LGALSL: variants seen among roughly 807,000 people sequenced by gnomAD.
The protein encoded by LGALSL is galectin-related protein.
In LGALSL, 13 loss-of-function variants were observed where a neutral mutation model predicts 19.5. That is an observed-to-expected ratio of 0.67 (90% CI 0.43 to 1.06). LGALSL has a LOEUF of 1.06. LGALSL is among the 50% of genes least tolerant of loss of function. LGALSL has a pLI of 0.00. For missense variants in LGALSL, 189 were observed against 219.3 expected (o/e 0.86, Z 0.87); for synonymous variants, 86 against 78.3 (o/e 1.10, Z -0.52).
intron 4 of LGALSL, 145 bp from the exon 5 acceptor site, chr2:64,458,140 T>C: frequency 1.4e-6 from 1 of 715,628 alleles, no homozygotes; most frequent in Admixed American, 2.6e-5. Flanking sequence ...CAATCTGTGT[T>C]CTAACAAGCC....
Position 64,459,395 on chromosome 2 carries a change from A to C in LGALSL, c.*967A>C, listed in dbSNP as rs1686783442. 1 of 152,238 alleles carries C rather than the reference A, an allele frequency of 6.6e-6. No individual in the cohort carries two copies. 9.4% of individuals were successfully genotyped at this position (152,238 alleles called of 1,614,324 possible). ...CAATTTTTAAAGTGACTATAGTATA[A>C]ACTTTTAAAAGAATAATATGAAAAT... On this transcript the variant is annotated 3_prime_UTR_variant, in exon 5 of 5. Coordinates refer to ENST00000238875, the MANE Select transcript of LGALSL (RefSeq NM_014181.3).
At position 64,460,917 on chromosome 2, in the gene LGALSL, A is replaced by C. The variant is rs1686815957; in HGVS notation, c.*2489A>C. On this transcript the variant is annotated 3_prime_UTR_variant, in exon 5 of 5. Coordinates refer to ENST00000238875, the MANE Select transcript of LGALSL (RefSeq NM_014181.3). ...TAAATAACAATCAGGCTCTGGGGGA[A>C]TAGAAAGCAGGCTTTAGACAATCTG... The C allele has an allele frequency of 6.6e-6, 1 of 152,236 alleles. No homozygotes were observed. The highest frequency in any genetic ancestry group is 6.5e-5 in the Admixed American group (1 of 15,282). The allele number at this position is 152,236 out of a possible 1,614,324, so 9.4% of individuals were successfully genotyped here. A position where few individuals can be genotyped will look rare whatever the true frequency, so the allele number is the denominator to read the frequency against.
intron 4 of LGALSL, among the ~76,000 whole-genome samples, chr2:64,457,667 T>C (rs1324549946): frequency 2.6e-5 from 4 of 152,178 alleles, no homozygotes; most frequent in African/African-American, 9.7e-5. Context: ...CTGGGGAAAA[T>C]AAGAATCCAT....
At position 64,454,539 on chromosome 2, in the gene LGALSL, C is replaced by G; in HGVS notation, c.-7C>G. 6.9e-7 allele frequency: 1 copy of G among 1,438,884 alleles called. No individual in the cohort carries two copies. Among genetic ancestry groups the G allele is most frequent in the Non-Finnish European group, 9.2e-7 (1 of 1,091,846 alleles). The allele number at this position is 1,438,884 out of a possible 1,614,324, so 89.1% of individuals were successfully genotyped here. On this transcript the variant is annotated 5_prime_UTR_variant, in exon 1 of 5. Coordinates refer to ENST00000238875, the MANE Select transcript of LGALSL (RefSeq NM_014181.3). The surrounding 1 kb of genome is among the most constrained non-coding windows in gnomAD (Gnocchi z 5.1). Reference sequence around the variant, plus strand: ...GTCCCACGTACCCCGCCGCGCCGGGCAAGAAGATGGCGGGATCAGTGGCCG... The same window carrying G: ...GTCCCACGTACCCCGCCGCGCCGGGGAAGAAGATGGCGGGATCAGTGGCCG...
rs1686702190 is a variant in LGALSL at position 64,454,666 on chromosome 2, G to A, written c.36+85G>A. 2.9e-6 allele frequency: 3 copies of A among 1,024,048 alleles called. No homozygotes were observed. Among genetic ancestry groups the A allele is most frequent in the Non-Finnish European group, 3.7e-6 (3 of 802,882 alleles). The allele number at this position is 1,024,048 out of a possible 1,614,324, so 63.4% of individuals were successfully genotyped here. A position where few individuals can be genotyped will look rare whatever the true frequency, so the allele number is the denominator to read the frequency against. ...CCTGCTCCAGCAGTGCTGGGGTGCT[G>A]AGCAGCCGCAGGCCCGGCCGGCGCC... On this transcript the variant is annotated intron_variant, in intron 1 of 4. Coordinates refer to ENST00000238875, the MANE Select transcript of LGALSL (RefSeq NM_014181.3). The surrounding 1 kb of genome is among the most constrained non-coding windows in gnomAD (Gnocchi z 5.1).
At position 64,458,457 on chromosome 2, in the gene LGALSL, C is replaced by T. The variant is rs1686770914; in HGVS notation, c.*29C>T. The T allele has an allele frequency of 5.6e-6, 9 of 1,599,730 alleles. No homozygotes were observed. Among genetic ancestry groups the T allele is most frequent in the African/African-American group, 1.3e-5 (1 of 74,620 alleles). ...AAACCACCTCTATTTCAAATAGGAT[C>T]ACGTGCCACAACTATCTGACTGTTG... On this transcript the variant is annotated 3_prime_UTR_variant, in exon 5 of 5. Transcript: ENST00000238875.
rs1686772851 is a variant in LGALSL, at chr2:64,458,606, T to C, written c.*178T>C. The C allele has an allele frequency of 3.7e-6, 2 of 539,336 alleles. No homozygotes were observed. The highest frequency in any genetic ancestry group is 6.5e-6 in the Non-Finnish European group (2 of 309,722). 33.4% of individuals were successfully genotyped at this position (539,336 alleles called of 1,614,324 possible). A position where few individuals can be genotyped will look rare whatever the true frequency, so the allele number is the denominator to read the frequency against. On this transcript the variant is annotated 3_prime_UTR_variant, in exon 5 of 5. Coordinates refer to ENST00000238875, the MANE Select transcript of LGALSL (RefSeq NM_014181.3). ...CTGTTGGGACAAAGACACCGAGCCA[T>C]TATACCCAGAATAAAATAATACATT...
chr2:64,460,907 C>T lies in LGALSL; in HGVS notation c.*2479C>T, dbSNP rs1686815652. ...CCAAGGAGTATAAATAACAATCAGG[C>T]TCTGGGGGAATAGAAAGCAGGCTTT... On this transcript the variant is annotated 3_prime_UTR_variant, in exon 5 of 5. Coordinates refer to ENST00000238875, the MANE Select transcript of LGALSL (RefSeq NM_014181.3). 1 of 152,154 alleles carries T rather than the reference C, an allele frequency of 6.6e-6. No homozygotes were observed. Among genetic ancestry groups the T allele is most frequent in the Non-Finnish European group, 1.5e-5 (1 of 68,024 alleles). 9.4% of individuals were successfully genotyped at this position (152,154 alleles called of 1,614,324 possible).
intron 3 of LGALSL, 95 bp from the exon 4 acceptor site, chr2:64,456,193 C>T: frequency 8.8e-7 from 1 of 1,139,270 alleles, no homozygotes; most frequent in Admixed American, 2.3e-5. Flanking sequence ...TAAAAATGGA[C>T]AAACCCAGAG....
In LGALSL at chr2:64,454,249, G is replaced by A; in HGVS notation, c.-297G>A. ...GGCCCTCGCCACTTTTCTTGGTCGG[G>A]CAGCGGCAGCGGCAGCGGCAGCAAG... On this transcript the variant is annotated 5_prime_UTR_variant, in exon 1 of 5. Transcript: ENST00000238875. The surrounding 1 kb of genome is among the most constrained non-coding windows in gnomAD (Gnocchi z 5.1). 2 of 363,366 alleles carry A rather than the reference G, an allele frequency of 5.5e-6. No individual in the cohort carries two copies. The highest frequency in any genetic ancestry group is 4.8e-6 in the Non-Finnish European group (1 of 209,706). 22.5% of individuals were successfully genotyped at this position (363,366 alleles called of 1,614,324 possible). A position where few individuals can be genotyped will look rare whatever the true frequency, so the allele number is the denominator to read the frequency against.
rs2103710367 is a variant in LGALSL, at chr2:64,458,654, A to G, written c.*226A>G. 1 of 392,968 alleles carries G rather than the reference A, an allele frequency of 2.5e-6. No individual in the cohort carries two copies. The highest frequency in any genetic ancestry group is 4.5e-6 in the Non-Finnish European group (1 of 222,000). The allele number at this position is 392,968 out of a possible 1,614,324, so 24.3% of individuals were successfully genotyped here. On this transcript the variant is annotated 3_prime_UTR_variant, in exon 5 of 5. Coordinates refer to ENST00000238875, the MANE Select transcript of LGALSL (RefSeq NM_014181.3). ...ATTTATGCTGGATTTTATTCAGACC[A>G]AACTAAAATGGATTTGTGATGATTT...
Position 64,459,757 on chromosome 2 carries a change from A to T in LGALSL, c.*1329A>T, listed in dbSNP as rs978134461. ...GTGTTACCCTGCACTTACGGAACTG[A>T]TCAAACAGGTGACTCCAACAGGAGG... On this transcript the variant is annotated 3_prime_UTR_variant, in exon 5 of 5. Transcript: ENST00000238875. The T allele has an allele frequency of 1.3e-5, 2 of 152,216 alleles. No homozygotes were observed. Among genetic ancestry groups the T allele is most frequent in the Non-Finnish European group, 2.9e-5 (2 of 68,052 alleles). 9.4% of individuals were successfully genotyped at this position (152,216 alleles called of 1,614,324 possible).
intron 4 of LGALSL, among the ~76,000 whole-genome samples, 190 bp from the exon 5 acceptor site, chr2:64,458,095 A>G (rs2287535): frequency 0.056 from 8,465 of 152,328 alleles, 293 homozygotes; most frequent in South Asian, 0.087. Flanking sequence ...CTTACATTCT[A>G]CACAGGAATC....
chr2:64,454,278 C>T lies in LGALSL; in HGVS notation c.-268C>T, dbSNP rs1219339840. 2.0e-5 allele frequency: 8 copies of T among 395,672 alleles called. No individual in the cohort carries two copies. Among genetic ancestry groups the T allele is most frequent in the Non-Finnish European group, 3.6e-5 (8 of 224,290 alleles). The allele number at this position is 395,672 out of a possible 1,614,324, so 24.5% of individuals were successfully genotyped here. On this transcript the variant is annotated 5_prime_UTR_variant, in exon 1 of 5. Coordinates refer to ENST00000238875, the MANE Select transcript of LGALSL (RefSeq NM_014181.3). This position sits in a 1 kb window ranked among gnomAD's most constrained non-coding sequence, Gnocchi z 5.1. Reference sequence around the variant, plus strand: ...CGGCAGCGGCAGCGGCAGCAAGCAGCCCCGTCGGCCCGGGTCCGGGGCCGT... The same window carrying T: ...CGGCAGCGGCAGCGGCAGCAAGCAGTCCCGTCGGCCCGGGTCCGGGGCCGT...
intron 3 of LGALSL, among the ~76,000 whole-genome samples, chr2:64,455,920 G>A (rs1369356559): frequency 8.3e-6 from 1 of 121,108 alleles, no homozygotes; most frequent in East Asian, 3.1e-4. Flanking sequence ...CCTTAGGGAG[G>A]CCAGAGGATT....
chr2:64,455,518 T>G (rs1686721238), intron 2 of LGALSL, 71 bp from the exon 3 acceptor site: 1 of 1,496,662 alleles, frequency 6.7e-7, no homozygotes, highest in Admixed American at 1.7e-5. Flanking sequence ...GGGTCAGGCC[T>G]TCAGGGTCTG....
rs2103704011 is a variant in LGALSL, at chr2:64,454,283, T to C, written c.-263T>C. On this transcript the variant is annotated 5_prime_UTR_variant, in exon 1 of 5. Coordinates refer to ENST00000238875, the MANE Select transcript of LGALSL (RefSeq NM_014181.3). This position sits in a 1 kb window ranked among gnomAD's most constrained non-coding sequence, Gnocchi z 5.1. ...GCGGCAGCGGCAGCAAGCAGCCCCG[T>C]CGGCCCGGGTCCGGGGCCGTTCTGG... The C allele has an allele frequency of 5.1e-6, 2 of 395,452 alleles. No individual in the cohort carries two copies. Among genetic ancestry groups the C allele is most frequent in the Admixed American group, 4.4e-5 (1 of 22,572 alleles). 24.5% of individuals were successfully genotyped at this position (395,452 alleles called of 1,614,324 possible).
chr2:64,455,695 T>C lies in LGALSL; in HGVS notation c.197+18T>C. 1 of 1,581,100 alleles carries C rather than the reference T, an allele frequency of 6.3e-7. No homozygotes were observed. Among genetic ancestry groups the C allele is most frequent in the Non-Finnish European group, 8.7e-7 (1 of 1,149,844 alleles). ...CCAGAGAGGTAAGGCAGAGTCTTTG[T>C]CAGGACAGAACTATCAGGCTGTGGC... On this transcript the variant is annotated intron_variant, in intron 3 of 4. Transcript: ENST00000238875.
Position 64,454,595 on chromosome 2 carries a change from GGC to G in LGALSL, c.36+22_36+23del. The G allele has an allele frequency of 7.1e-7, 1 of 1,411,996 alleles. No homozygotes were observed. The highest frequency in any genetic ancestry group is 9.3e-7 in the Non-Finnish European group (1 of 1,078,280). The allele number at this position is 1,411,996 out of a possible 1,614,324, so 87.5% of individuals were successfully genotyped here. On this transcript the variant is annotated intron_variant, in intron 1 of 4. Coordinates refer to ENST00000238875, the MANE Select transcript of LGALSL (RefSeq NM_014181.3). This position sits in a 1 kb window ranked among gnomAD's most constrained non-coding sequence, Gnocchi z 5.1. Reference sequence around the variant, plus strand: ...GATGCCGTGGTGGTGAGTGTGGCAGGGCGCGCGCGAGGCGCCCCTCCCCGCCG... The same window carrying G: ...GATGCCGTGGTGGTGAGTGTGGCAGGGCGCGCGAGGCGCCCCTCCCCGCCG...
Sources: gnomAD v4.1 joint callset for allele counts (sites outside exome capture counted in the v4.1 genomes callset) on GRCh38, gnomAD v4.1.1 for gene constraint, Gnocchi (gnomAD v3.1) non-coding constraint, MANE v1.5 for transcripts, NCBI Gene and HGNC (gene_info 2026-07-23, HGNC 2026-07-21) for gene names.